Variants in MARCHF8 observed in about 807,000 individuals in gnomAD.
The protein encoded by MARCHF8 is E3 ubiquitin-protein ligase MARCHF8.
Under a neutral mutation model 51.6 loss-of-function variants are expected in MARCHF8, and 40 were observed. That is an observed-to-expected ratio of 0.77 (90% CI 0.60 to 1.01). MARCHF8 has a LOEUF of 1.01. Ranked by LOEUF, MARCHF8 falls within the 50% of genes least tolerant of loss-of-function variation. The pLI is 0.00. For synonymous variants in MARCHF8, 263 were observed against 280.3 expected (o/e 0.94, Z 0.62); for missense variants, 685 against 708.6 (o/e 0.97, Z 0.38).
chr10:45,500,572 T>C (rs936066851), intron 2 of MARCHF8, among the ~76,000 whole-genome samples: 1 of 152,152 alleles, frequency 6.6e-6, no homozygotes, highest in South Asian at 2.1e-4. Context: ...ACTTTTCATA[T>C]ATGGCCTTTA....
intron 1 of MARCHF8, among the ~76,000 whole-genome samples, chr10:45,585,985 C>A (rs1242418967): frequency 1.3e-5 from 2 of 152,068 alleles, no homozygotes; most frequent in Non-Finnish European, 2.9e-5. Flanking sequence ...TACATAAAAT[C>A]TCAGTATATA....
chr10:45,519,175 C>T (rs1284124543), intron 2 of MARCHF8, among the ~76,000 whole-genome samples: 1 of 152,202 alleles, frequency 6.6e-6, no homozygotes, highest in East Asian at 1.9e-4. Flanking sequence ...TTCATTCAAG[C>T]ATGGGTATCA....
intron 2 of MARCHF8, among the ~76,000 whole-genome samples, chr10:45,506,505 C>CTTG: frequency 6.6e-6 from 1 of 152,212 alleles, no homozygotes; most frequent in Non-Finnish European, 1.5e-5. Context: ...TTATGTCTTG[C>CTTG]AATATATCAG....
intron 3 of MARCHF8, among the ~76,000 whole-genome samples, chr10:45,477,431 G>C (rs1448261166): frequency 1.3e-5 from 2 of 151,198 alleles, no homozygotes; most frequent in African/African-American, 4.9e-5. Flanking sequence ...ACACAAATAA[G>C]CAAAAAAAAG....
intron 1 of MARCHF8, among the ~76,000 whole-genome samples, chr10:45,593,221 A>G (rs1186943532): frequency 2.7e-5 from 4 of 149,408 alleles, no homozygotes. Context: ...GGTGTAAAAG[A>G]GTATGGTTTC....
At chr10:45,574,447 G>A (rs112884766) in intron 1 of MARCHF8, among the ~76,000 whole-genome samples, 9,377 of 152,080 alleles carry the variant, frequency 0.062, 332 homozygotes, top group Non-Finnish European at 0.067. Flanking sequence ...ATTCTGTTCT[G>A]GATCTCAAAC....
chr10:45,511,967 G>T (rs532675953), intron 2 of MARCHF8, among the ~76,000 whole-genome samples: 1 of 150,856 alleles, frequency 6.6e-6, no homozygotes, highest in African/African-American at 2.4e-5. Flanking sequence ...AGTGAGGAGC[G>T]TCTCTGCCCG....
At chr10:45,527,082 C>T (rs940886511) in intron 2 of MARCHF8, among the ~76,000 whole-genome samples, 2 of 152,018 alleles carry the variant, frequency 1.3e-5, no homozygotes, top group Non-Finnish European at 2.9e-5. Flanking sequence ...AGTAGAGACA[C>T]AACATACCAA....
chr10:45,588,987 A>G (rs932177360), intron 1 of MARCHF8, among the ~76,000 whole-genome samples: 1 of 140,924 alleles, frequency 7.1e-6, no homozygotes, highest in African/African-American at 2.7e-5. Context: ...TGACAGAGCA[A>G]GACTACGTTT....
At chr10:45,544,648 TAA>T (rs2044098081) in intron 1 of MARCHF8, among the ~76,000 whole-genome samples, 1 of 152,212 alleles carries the variant, frequency 6.6e-6, no homozygotes, top group African/African-American at 2.4e-5. Flanking sequence ...TCCGTTTTTA[TAA>T]AGTGTCTTGA....
chr10:45,561,754 A>G (rs927201222), intron 1 of MARCHF8, among the ~76,000 whole-genome samples: 13 of 151,024 alleles, frequency 8.6e-5, no homozygotes, highest in African/African-American at 2.7e-4. Flanking sequence ...ACAAAAAATT[A>G]GCAGGGCGTG....
chr10:45,481,409 G>A (rs555045951), intron 3 of MARCHF8, among the ~76,000 whole-genome samples: 7 of 152,244 alleles, frequency 4.6e-5, no homozygotes, highest in East Asian at 1.9e-4. Flanking sequence ...GGCCGAGGGC[G>A]GAATGATATG....
At chr10:45,549,410 CTGGG>C (rs2044169039) in intron 1 of MARCHF8, among the ~76,000 whole-genome samples, 1 of 152,250 alleles carries the variant, frequency 6.6e-6, no homozygotes, top group African/African-American at 2.4e-5. Context: ...GGCTGCTTCG[CTGGG>C]CTCAGCAGGG....
At chr10:45,550,309 T>C (rs2044180425) in intron 1 of MARCHF8, among the ~76,000 whole-genome samples, 2 of 152,214 alleles carry the variant, frequency 1.3e-5, no homozygotes, top group South Asian at 2.1e-4. Flanking sequence ...TAGCAATCCA[T>C]ACCGCTTGAA....
chr10:45,457,900 G>A lies in MARCHF8; in HGVS notation c.*339C>T, dbSNP rs1842653906. 3.8e-6 allele frequency: 1 copy of A among 260,146 alleles called. No homozygotes were observed. The highest frequency in any genetic ancestry group is 7.2e-6 in the Non-Finnish European group (1 of 139,274). 16.1% of individuals were successfully genotyped at this position (260,146 alleles called of 1,614,324 possible). On this transcript the variant is annotated 3_prime_UTR_variant, in exon 8 of 8. Transcript: ENST00000453424. The stretch of plus-strand genomic sequence containing the variant: ...AAGCTGGAGGCGGCTGGGTATCAGG[G>A]CCTGGGCACCCCTGCTCCTCCTCTT...
At chr10:45,540,787 A>G (rs2044041757) in intron 1 of MARCHF8, among the ~76,000 whole-genome samples, 1 of 152,248 alleles carries the variant, frequency 6.6e-6, no homozygotes, top group Non-Finnish European at 1.5e-5. Flanking sequence ...TCAAAAGAAG[A>G]CATTTATGCA....
intron 3 of MARCHF8, among the ~76,000 whole-genome samples, chr10:45,488,918 C>T (rs2043032824): frequency 6.6e-6 from 1 of 152,186 alleles, no homozygotes. Flanking sequence ...CACAGTGGCA[C>T]CCCGAACAGC....
intron 1 of MARCHF8, among the ~76,000 whole-genome samples, chr10:45,573,477 A>G (rs2044454633): frequency 6.6e-6 from 1 of 152,160 alleles, no homozygotes; most frequent in Non-Finnish European, 1.5e-5. Context: ...CTCCCCCAGG[A>G]ACTTGCTTCA....
chr10:45,585,268 G>A (rs2133434588), intron 1 of MARCHF8, among the ~76,000 whole-genome samples: 1 of 152,182 alleles, frequency 6.6e-6, no homozygotes, highest in East Asian at 1.9e-4. Context: ...TTGCCCAAGA[G>A]CATAAAAAGA....
Sources: allele counts gnomAD v4.1 joint callset (sites outside exome capture counted in the v4.1 genomes callset), GRCh38; gene constraint gnomAD v4.1.1; transcripts MANE v1.5; gene names NCBI Gene and HGNC (gene_info 2026-07-23, HGNC 2026-07-21).